Variants in YBEY observed in about 807,000 individuals in gnomAD.
YBEY encodes the protein endoribonuclease YbeY.
Under a neutral mutation model 13.5 loss-of-function variants are expected in YBEY, and 15 were observed. That is an observed-to-expected ratio of 1.11 (90% CI 0.75 to 1.72). The LOEUF is 1.72. Ranked by LOEUF, YBEY falls within the 40% of genes most tolerant of loss-of-function variation. YBEY has a pLI of 0.00. For missense variants in YBEY, 244 were observed against 208.4 expected (o/e 1.17, Z -1.05); for synonymous variants, 101 against 83.1 (o/e 1.21, Z -1.17).
At chr21:46,290,486 G>C (rs1340729319) in intron 2 of YBEY, among the ~76,000 whole-genome samples, 1 of 151,902 alleles carries the variant, frequency 6.6e-6, no homozygotes, top group African/African-American at 2.4e-5. Flanking sequence ...TTACAGCTGT[G>C]AGCCACCACG....
At chr21:46,307,610 A>G in the YBEY span, among the ~76,000 whole-genome samples, 2 of 152,210 alleles carry the variant, frequency 1.3e-5, no homozygotes, top group African/African-American at 4.8e-5. Flanking sequence ...CATATGGATC[A>G]CAATAGGAAA....
Position 46,288,480 on chromosome 21 carries a change from A to G in YBEY, c.210+1357A>G, listed in dbSNP as rs933493422. Among the ~76,000 whole-genome samples the G allele has an allele frequency of 3.3e-5, 5 of 152,158 alleles. No homozygotes were observed. In the East Asian group the frequency reaches 7.8e-4, roughly 24 times the overall value. On this transcript the variant is annotated intron_variant, in intron 2 of 4. Transcript: ENST00000397701. ...ATCACGATGTCAGGAATTCAAGACC[A>G]TCCTGGCCAACATGGTGAAACCCCG...
chr21:46,294,724 C>G (rs976151597), intron 3 of YBEY, among the ~76,000 whole-genome samples: 1 of 150,864 alleles, frequency 6.6e-6, no homozygotes, highest in African/African-American at 2.4e-5. Context: ...TCACTGTTAT[C>G]ATTTTTGCAC....
chr21:46,291,900 G>T lies in YBEY; in HGVS notation c.339+438G>T, dbSNP rs181839556. ...ACCAATTCACTGCAATTGTGGTATT[G>T]CAGTAGAGAAAGAGTTTAACACAGA... On this transcript the variant is annotated intron_variant, in intron 3 of 4. Coordinates refer to ENST00000397701, the MANE Select transcript of YBEY (RefSeq NM_001314025.2). The T allele has an allele frequency of 2.2e-4, 209 of 950,884 alleles. No homozygotes were observed. The African/African-American group carries it at 3.4e-3, about 16-fold the overall frequency. The allele number at this position is 950,884 out of a possible 1,614,324, so 58.9% of individuals were successfully genotyped here. A position where few individuals can be genotyped will look rare whatever the true frequency, so the allele number is the denominator to read the frequency against.
intron 2 of YBEY, among the ~76,000 whole-genome samples, chr21:46,290,779 C>G (rs537285303): frequency 6.6e-6 from 1 of 151,990 alleles, no homozygotes; most frequent in South Asian, 2.1e-4. Context: ...GACGCGGTGG[C>G]TCACGCCTGT....
At chr21:46,309,975 C>G in the YBEY span, among the ~76,000 whole-genome samples, 1 of 151,800 alleles carries the variant, frequency 6.6e-6, no homozygotes, top group African/African-American at 2.4e-5. Flanking sequence ...CCAGCCTAGG[C>G]GACAGGCAAG....
chr21:46,298,195 A>T (rs1041199460), downstream of YBEY, among the ~76,000 whole-genome samples: 6 of 152,118 alleles, frequency 3.9e-5, no homozygotes, highest in Non-Finnish European at 7.4e-5. Flanking sequence ...GGCTACTACA[A>T]TTCTGCTCAT....
chr21:46,297,257 T>TCCTCCCCC, intron 4 of YBEY, among the ~76,000 whole-genome samples: 1 of 124,348 alleles, frequency 8.0e-6, no homozygotes, highest in African/African-American at 3.0e-5. Flanking sequence ...CCTCCTCCCC[T>TCCTCCCCC]CCTCCCCCTT....
At chr21:46,307,170 A>G in the YBEY span, among the ~76,000 whole-genome samples, 2 of 151,960 alleles carry the variant, frequency 1.3e-5, no homozygotes, top group Non-Finnish European at 2.9e-5. Flanking sequence ...TGCTGGGATT[A>G]CAGGTGTGAG....
intron 3 of YBEY, chr21:46,291,899 T>C: frequency 5.3e-6 from 5 of 952,074 alleles, no homozygotes; most frequent in Non-Finnish European, 5.0e-6. Flanking sequence ...ATTGTGGTAT[T>C]GCAGTAGAGA....
At chr21:46,288,158 T>C (rs544109807) in intron 2 of YBEY, among the ~76,000 whole-genome samples, 3 of 152,338 alleles carry the variant, frequency 2.0e-5, no homozygotes, top group South Asian at 4.1e-4. Flanking sequence ...TATGTGCACA[T>C]TGGAAAAATT....
downstream of YBEY, among the ~76,000 whole-genome samples, chr21:46,299,796 C>G (rs1438038184): frequency 6.6e-6 from 1 of 151,334 alleles, no homozygotes; most frequent in Non-Finnish European, 1.5e-5. Flanking sequence ...GAAGCCCCCA[C>G]TCCTAACTAC....
intron 4 of YBEY, 142 bp downstream of exon 4, chr21:46,296,372 T>C (rs1004420694): frequency 2.2e-6 from 2 of 898,526 alleles, no homozygotes; most frequent in African/African-American, 1.7e-5. Flanking sequence ...ATGACACAGA[T>C]GTTTGCTTTC....
the YBEY span, among the ~76,000 whole-genome samples, chr21:46,303,734 TATATATA>T: frequency 3.9e-5 from 1 of 25,832 alleles, no homozygotes; most frequent in Non-Finnish European, 7.9e-5. Flanking sequence ...TATATATATA[TATATATA>T]TATATTTTTT....
chr21:46,303,727 ATATATATATATATATATATTTTTTTTTT>A, the YBEY span, among the ~76,000 whole-genome samples: 6 of 26,616 alleles, frequency 2.3e-4, 1 homozygote, highest in African/African-American at 4.8e-4. Context: ...ATATATATAT[ATATATATATATATATATATTTTTTTTTT>A]TTTTTTTTTT....
At position 46,291,422 on chromosome 21, in the gene YBEY, A is replaced by G. The variant is rs1322666646; in HGVS notation, c.299A>G (p.His100Arg). 5 of 1,614,032 alleles carry G rather than the reference A, an allele frequency of 3.1e-6. No homozygotes were observed. Among genetic ancestry groups the G allele is most frequent in the Non-Finnish European group, 4.2e-6 (5 of 1,180,034 alleles). Residue 100 changes from histidine (H) to arginine (R), a missense_variant, in exon 3 of 5, where the codon CAT becomes CGT. Coordinates refer to ENST00000397701, the MANE Select transcript of YBEY (RefSeq NM_001314025.2). ...TTCCTAGGAGTGGAGTATATCTTCC[A>G]TCAGTGTAAAGAAAATGAAGATTAC... ...DIFLGVEYIF[H>R]QCKENEDYND... is the part of the protein sequence containing the mutation.
the YBEY span, chr21:46,311,396 A>G: frequency 9.8e-7 from 1 of 1,021,302 alleles, no homozygotes. Context: ...TTCCAGGAAC[A>G]TTTTCCCTTT....
At chr21:46,300,760 C>T, downstream of YBEY, 1 of 1,289,436 alleles carries the variant, frequency 7.8e-7, no homozygotes, top group Non-Finnish European at 1.0e-6. Flanking sequence ...CAGGGTTCCT[C>T]CTTGTGCGGA....
chr21:46,301,883 A>G, downstream of YBEY: 1 of 1,333,238 alleles, frequency 7.5e-7, no homozygotes, highest in Non-Finnish European at 9.6e-7. Context: ...TCGCGTAGCC[A>G]CTCCGGGTGG....
Sources: allele counts gnomAD v4.1 joint callset (sites outside exome capture counted in the v4.1 genomes callset), GRCh38; gene constraint gnomAD v4.1.1; transcripts MANE v1.5; gene names NCBI Gene and HGNC (gene_info 2026-07-23, HGNC 2026-07-21).